RIN3: variants seen among roughly 807,000 people sequenced by gnomAD.
RIN3 encodes Ras and Rab interactor 3.
Under a neutral mutation model 76.3 loss-of-function variants are expected in RIN3, and 54 were observed. The ratio of observed to expected loss-of-function variants is 0.71; its 90% CI spans 0.57 to 0.89. RIN3 has a LOEUF of 0.89. Among genes scored for constraint, RIN3 ranks in the 40% least tolerant of loss-of-function variants. RIN3 has a pLI of 0.00. For synonymous variants in RIN3, 576 were observed against 564.0 expected (o/e 1.02, Z -0.30); for missense variants, 1,256 against 1,322.1 (o/e 0.95, Z 0.78).
Position 92,568,644 on chromosome 14 carries a change from C to T in RIN3, c.250-8716C>T, listed in dbSNP as rs531884518. ...TCACCCTCACCCATGGCCACCTGGG[C>T]AGGAAACGTCAGAGGACTCCTGGAG... On this transcript the variant is annotated intron_variant, in intron 2 of 9. Coordinates refer to ENST00000216487, the MANE Select transcript of RIN3 (RefSeq NM_024832.5). The surrounding 1 kb of genome is among the most constrained non-coding windows in gnomAD (Gnocchi z 4.2). Among the ~76,000 whole-genome samples the T allele has an allele frequency of 5.4e-4, 82 of 152,346 alleles. No individual in the cohort carries two copies. Among genetic ancestry groups the T allele is most frequent in the African/African-American group, 1.4e-3 (60 of 41,586 alleles).
At chr14:92,562,347 C>T (rs1364076098) in intron 2 of RIN3, among the ~76,000 whole-genome samples, 1 of 152,242 alleles carries the variant, frequency 6.6e-6, no homozygotes, top group Non-Finnish European at 1.5e-5. Context: ...CACTCTTTCC[C>T]CCACTGCCTC....
intron 1 of RIN3, among the ~76,000 whole-genome samples, chr14:92,521,591 T>G (rs1051503895): frequency 1.3e-5 from 2 of 152,110 alleles, no homozygotes; most frequent in African/African-American, 4.8e-5. Context: ...TTTCTCGCCA[T>G]GTGACATACC....
Position 92,685,181 on chromosome 14 carries a change from G to A in RIN3, c.2631+31G>A, listed in dbSNP as rs1286442158. ...GCCTGAGAGCGGGAGGGGCCCGGTG[G>A]GGCCATGTCCCAGACACCATCCCTG... On this transcript the variant is annotated intron_variant, in intron 9 of 9. Coordinates refer to ENST00000216487, the MANE Select transcript of RIN3 (RefSeq NM_024832.5). The surrounding 1 kb of genome is among the most constrained non-coding windows in gnomAD (Gnocchi z 4.7). 2.6e-6 allele frequency: 4 copies of A among 1,562,064 alleles called. No individual in the cohort carries two copies. The highest frequency in any genetic ancestry group is 1.9e-5 in the Admixed American group (1 of 53,808).
At chr14:92,529,072 C>T (rs772642880) in intron 1 of RIN3, among the ~76,000 whole-genome samples, 3 of 152,104 alleles carry the variant, frequency 2.0e-5, no homozygotes, top group Non-Finnish European at 4.4e-5. Flanking sequence ...CCCCAGAATC[C>T]AGGCCGGCTG....
At chr14:92,638,877 GT>G (rs1886874843) in intron 4 of RIN3, among the ~76,000 whole-genome samples, 1 of 152,176 alleles carries the variant, frequency 6.6e-6, no homozygotes, top group Non-Finnish European at 1.5e-5. Flanking sequence ...CCCAGAACCT[GT>G]GCCACAGCCT....
At chr14:92,677,581 C>T (rs956819362) in intron 8 of RIN3, among the ~76,000 whole-genome samples, 2 of 151,952 alleles carry the variant, frequency 1.3e-5, no homozygotes, top group African/African-American at 4.8e-5. Context: ...TCATATATAA[C>T]TTTGGCTAGT....
chr14:92,586,871 C>G (rs1884795864), intron 3 of RIN3, among the ~76,000 whole-genome samples: 1 of 152,174 alleles, frequency 6.6e-6, no homozygotes, highest in Non-Finnish European at 1.5e-5. Flanking sequence ...GAAATCCACC[C>G]AGGCCTACTT....
chr14:92,514,742 ATTGCTCGGGGCTGGGC>A lies in RIN3; in HGVS notation c.44+768_44+783del, dbSNP rs1414477453. ...CCAGCCCCACCTCGCGAGCTCGGGCATTGCTCGGGGCTGGGCTCTGGGAGAAAGTCCTCTCGCCTTG... is the reference window on the plus strand; with the variant it reads ...CCAGCCCCACCTCGCGAGCTCGGGCATCTGGGAGAAAGTCCTCTCGCCTTG... On this transcript the variant is annotated intron_variant, in intron 1 of 9. Coordinates refer to ENST00000216487, the MANE Select transcript of RIN3 (RefSeq NM_024832.5). The surrounding 1 kb of genome is among the most constrained non-coding windows in gnomAD (Gnocchi z 7.2). 5.3e-5 allele frequency among the ~76,000 whole-genome samples: 8 copies of A among 152,308 alleles called. No homozygotes were observed. The South Asian group carries it at 1.7e-3, about 32-fold the overall frequency.
intron 3 of RIN3, among the ~76,000 whole-genome samples, chr14:92,585,051 G>A (rs956869771): frequency 2.0e-5 from 3 of 152,172 alleles, no homozygotes; most frequent in African/African-American, 7.2e-5. Flanking sequence ...CTGTTGCCCA[G>A]GCTACAGTGC....
Position 92,513,833 on chromosome 14 carries a change from AG to A in RIN3, c.-99del. The stretch of plus-strand genomic sequence containing the variant: ...GCGGCAGCGGCGGCCTGGCCCTTCC[AG>A]AGGGCCAGAGCCAGGGACATGCGGG... On this transcript the variant is annotated 5_prime_UTR_variant, in exon 1 of 10. Transcript: ENST00000216487. 1 of 788,150 alleles carries A rather than the reference AG, an allele frequency of 1.3e-6. No homozygotes were observed. Among genetic ancestry groups the A allele is most frequent in the Non-Finnish European group, 1.7e-6 (1 of 587,624 alleles). The allele number at this position is 788,150 out of a possible 1,614,324, so 48.8% of individuals were successfully genotyped here.
rs559532362 is a variant in RIN3, at chr14:92,674,750, A to G, written c.2336-1725A>G. 4.0e-5 allele frequency among the ~76,000 whole-genome samples: 6 copies of G among 151,248 alleles called. 1 individual carries two copies. The South Asian group carries it at 1.3e-3, about 32-fold the overall frequency. ...CTAAAAATACAAAAATCAGCTGGGT[A>G]TGGCAGCGCACGCCTGTAATCCCAG... On this transcript the variant is annotated intron_variant, in intron 7 of 9. Coordinates refer to ENST00000216487, the MANE Select transcript of RIN3 (RefSeq NM_024832.5).
At chr14:92,594,716 A>G (rs1229531568) in intron 3 of RIN3, among the ~76,000 whole-genome samples, 4 of 152,248 alleles carry the variant, frequency 2.6e-5, no homozygotes, top group Non-Finnish European at 5.9e-5. Flanking sequence ...ACAAAAGAAG[A>G]AAACCTGGTT....
At chr14:92,615,298 A>C in intron 3 of RIN3, 109 bp from the exon 4 acceptor site, 1 of 873,672 alleles carries the variant, frequency 1.1e-6, no homozygotes, top group South Asian at 1.4e-5. Context: ...CATGGGACCC[A>C]GAATGTGTGC....
At chr14:92,598,761 A>G (rs1185514334) in intron 3 of RIN3, among the ~76,000 whole-genome samples, 1 of 152,212 alleles carries the variant, frequency 6.6e-6, no homozygotes, top group African/African-American at 2.4e-5. Flanking sequence ...CTACAGAAAT[A>G]GCAGTTAAGG....
intron 3 of RIN3, among the ~76,000 whole-genome samples, chr14:92,613,909 T>C (rs900844490): frequency 8.5e-5 from 13 of 152,288 alleles, no homozygotes; most frequent in African/African-American, 3.1e-4. Flanking sequence ...GCAGGGAGCA[T>C]GACCATTTGA....
intron 4 of RIN3, among the ~76,000 whole-genome samples, chr14:92,624,412 C>T (rs566096491): frequency 6.6e-6 from 1 of 152,090 alleles, no homozygotes; most frequent in Non-Finnish European, 1.5e-5. Context: ...AAATTTGCAC[C>T]GGGTTACATT....
intron 2 of RIN3, among the ~76,000 whole-genome samples, chr14:92,572,897 T>G (rs1352897118): frequency 1.7e-5 from 2 of 118,108 alleles, no homozygotes; most frequent in Non-Finnish European, 3.7e-5. Flanking sequence ...TTTTTTTTTT[T>G]TTGAGATGCA....
intron 1 of RIN3, among the ~76,000 whole-genome samples, chr14:92,546,998 TATTATTTTATTTTATTATTAATATA>T (rs1897281613): frequency 1.2e-5 from 1 of 86,334 alleles, no homozygotes; most frequent in African/African-American, 3.8e-5. Flanking sequence ...ATTTTATTAT[TATTATTTTATTTTATTATTAATATA>T]ATTATTATTT....
intron 3 of RIN3, among the ~76,000 whole-genome samples, chr14:92,607,324 C>G (rs750917412): frequency 6.6e-6 from 1 of 152,230 alleles, no homozygotes; most frequent in Non-Finnish European, 1.5e-5. Flanking sequence ...GGTGTGGCCT[C>G]TCTGGAAAGG....
Sources: gnomAD v4.1 joint callset for allele counts (sites outside exome capture counted in the v4.1 genomes callset) on GRCh38, gnomAD v4.1.1 for gene constraint, Gnocchi (gnomAD v3.1) non-coding constraint, MANE v1.5 for transcripts, NCBI Gene and HGNC (gene_info 2026-07-23, HGNC 2026-07-21) for gene names.